SCNN1G: variants seen among roughly 807,000 people sequenced by gnomAD.
SCNN1G encodes the protein epithelial sodium channel subunit gamma.
SCNN1G carries 27 observed loss-of-function variants against 64.6 expected under a neutral mutation model. The ratio of observed to expected loss-of-function variants is 0.42; its 90% CI spans 0.31 to 0.58. The LOEUF (loss-of-function observed/expected upper bound fraction) is 0.58, where lower values mean the gene tolerates loss of function less well. SCNN1G is among the 20% of genes least tolerant of loss of function. The probability of loss-of-function intolerance (pLI) is 0.18; values close to 1 mark genes in which losing one functional copy is unlikely to be tolerated. For missense variants in SCNN1G, 743 were observed against 823.4 expected (o/e 0.90, Z 1.19); for synonymous variants, 330 against 314.2 (o/e 1.05, Z -0.53).
intron 6 of SCNN1G, among the ~76,000 whole-genome samples, chr16:23,199,369 A>G (rs1043962336): frequency 6.6e-6 from 1 of 152,162 alleles, no homozygotes; most frequent in Non-Finnish European, 1.5e-5. Context: ...CCCCCCATTG[A>G]TAGACATTAG....
rs769497471 is a variant in SCNN1G, at chr16:23,212,777, G to A, written c.1373+21G>A. On this transcript the variant is annotated intron_variant, in intron 9 of 12. Transcript: ENST00000300061. Reference sequence around the variant, plus strand: ...TGCAGGTATGTGGACCCCAAGGGGTGAGACGGGTGGCTGGGTTGGGTTGGG... The same window carrying A: ...TGCAGGTATGTGGACCCCAAGGGGTAAGACGGGTGGCTGGGTTGGGTTGGG... 2.5e-6 allele frequency: 4 copies of A among 1,613,782 alleles called. No individual in the cohort carries two copies. The Admixed American group carries it at 6.7e-5, about 27-fold the overall frequency.
At chr16:23,210,477 G>T (rs1960062516) in intron 7 of SCNN1G, among the ~76,000 whole-genome samples, 1 of 152,120 alleles carries the variant, frequency 6.6e-6, no homozygotes, top group Non-Finnish European at 1.5e-5. Flanking sequence ...GTGTTCTCTG[G>T]CTCCCACAGT....
intron 2 of SCNN1G, 45 bp downstream of exon 2, chr16:23,186,633 C>G (rs774437872): frequency 6.5e-7 from 1 of 1,533,054 alleles, no homozygotes; most frequent in Non-Finnish European, 9.0e-7. Flanking sequence ...GCCAGGCCCC[C>G]CACAGAGGCC....
chr16:23,195,605 G>T (rs1959782822), intron 5 of SCNN1G, among the ~76,000 whole-genome samples: 1 of 152,222 alleles, frequency 6.6e-6, no homozygotes, highest in African/African-American at 2.4e-5. Context: ...ATTTCATGGG[G>T]AAGAAGTAAT....
At position 23,216,279 on chromosome 16, in the gene SCNN1G, G is replaced by C. The variant is rs958201105; in HGVS notation, c.*810G>C. The C allele has an allele frequency of 3.9e-5, 6 of 152,452 alleles. No homozygotes were observed. In the South Asian group the frequency reaches 8.3e-4, roughly 21 times the overall value. The allele number at this position is 152,452 out of a possible 1,614,324, so 9.4% of individuals were successfully genotyped here. ...GACTTCATGATTTTGCATCCAATTC[G>C]TGTCTGTGCCTTTTAAAGGGTGAGG... On this transcript the variant is annotated 3_prime_UTR_variant, in exon 13 of 13. Coordinates refer to ENST00000300061, the MANE Select transcript of SCNN1G (RefSeq NM_001039.4).
intron 11 of SCNN1G, among the ~76,000 whole-genome samples, chr16:23,213,426 A>G (rs1422360929): frequency 6.6e-6 from 1 of 151,786 alleles, no homozygotes; most frequent in Non-Finnish European, 1.5e-5. Flanking sequence ...CTAATTTTAT[A>G]TTTTTAGCAG....
chr16:23,202,359 A>G (rs1596771067), intron 6 of SCNN1G, among the ~76,000 whole-genome samples: 1 of 151,174 alleles, frequency 6.6e-6, no homozygotes, highest in Admixed American at 6.6e-5. Flanking sequence ...TGGCTGGCTG[A>G]ATGGATAGAT....
intron 6 of SCNN1G, among the ~76,000 whole-genome samples, chr16:23,208,881 C>A (rs145394090): frequency 1.3e-5 from 2 of 151,898 alleles, no homozygotes; most frequent in Non-Finnish European, 2.9e-5. Context: ...GGATTACATG[C>A]ATGAGCCACT....
At position 23,215,149 on chromosome 16, in the gene SCNN1G, G is replaced by C. The variant is rs757351078; in HGVS notation, c.1630G>C (p.Val544Leu). Reference protein sequence around the residue: ...QLGLWMSCSVVCVIEIIEVFF... With the variant: ...QLGLWMSCSVLCVIEIIEVFF... ...GGGCCTGTGGATGAGCTGCTCTGTTGTCTGCGTCATCGAGATCATCGAGGT... is the reference window on the plus strand; with the variant it reads ...GGGCCTGTGGATGAGCTGCTCTGTTCTCTGCGTCATCGAGATCATCGAGGT... Residue 544 changes from valine (V) to leucine (L), a missense_variant, in exon 13 of 13, where the codon GTC (valine) becomes CTC (leucine). Physicochemically the swap from Val to Leu is conservative, Grantham distance 32. Coordinates refer to ENST00000300061, the MANE Select transcript of SCNN1G (RefSeq NM_001039.4). The C allele has an allele frequency of 1.2e-6, 2 of 1,614,154 alleles. No homozygotes were observed. The highest frequency in any genetic ancestry group is 2.2e-5 in the South Asian group (2 of 91,076).
At chr16:23,211,685 A>C (rs527980202) in intron 7 of SCNN1G, among the ~76,000 whole-genome samples, 181 of 152,184 alleles carry the variant, frequency 1.2e-3, no homozygotes, top group Non-Finnish European at 2.2e-3. Flanking sequence ...GGTGGTGTGC[A>C]TCTGTAATCG....
At chr16:23,198,047 T>C (rs1342860888) in intron 6 of SCNN1G, among the ~76,000 whole-genome samples, 1 of 152,212 alleles carries the variant, frequency 6.6e-6, no homozygotes, top group South Asian at 2.1e-4. Flanking sequence ...TCTATCTTTC[T>C]GGGCTGCTTA....
intron 6 of SCNN1G, among the ~76,000 whole-genome samples, chr16:23,201,652 G>T (rs1003807225): frequency 6.6e-6 from 1 of 152,148 alleles, no homozygotes; most frequent in Admixed American, 6.5e-5. Context: ...ATTAATAGGT[G>T]TGTGAAGCTG....
chr16:23,202,144 A>C (rs1236443708), intron 6 of SCNN1G, among the ~76,000 whole-genome samples: 1 of 152,046 alleles, frequency 6.6e-6, no homozygotes, highest in Non-Finnish European at 1.5e-5. Flanking sequence ...CAACTTTGCA[A>C]TACAGTTTCC....
At chr16:23,211,820 A>C (rs1960083357) in intron 7 of SCNN1G, among the ~76,000 whole-genome samples, 1 of 152,154 alleles carries the variant, frequency 6.6e-6, no homozygotes, top group South Asian at 2.1e-4. Context: ...AAAAAACATA[A>C]AAAATAAAAA....
At chr16:23,189,347 G>T in intron 2 of SCNN1G, 24 bp from the exon 3 acceptor site, 1 of 1,611,368 alleles carries the variant, frequency 6.2e-7, no homozygotes, top group South Asian at 1.1e-5. Flanking sequence ...CCCTCTCCCT[G>T]ACTTTTCCTC....
intron 6 of SCNN1G, among the ~76,000 whole-genome samples, chr16:23,208,466 T>C (rs1960026587): frequency 6.6e-6 from 1 of 152,140 alleles, no homozygotes; most frequent in Non-Finnish European, 1.5e-5. Context: ...CCTTAGCTTT[T>C]TTCTAAGAAA....
chr16:23,201,263 T>G (rs1001596195), intron 6 of SCNN1G, among the ~76,000 whole-genome samples: 1 of 152,188 alleles, frequency 6.6e-6, no homozygotes, highest in Non-Finnish European at 1.5e-5. Flanking sequence ...TCCCTTATCC[T>G]TTCGCCCTCT....
intron 6 of SCNN1G, among the ~76,000 whole-genome samples, chr16:23,203,227 G>C (rs1959921022): frequency 6.6e-6 from 1 of 152,166 alleles, no homozygotes; most frequent in Non-Finnish European, 1.5e-5. Context: ...CAGCCAAGAG[G>C]TCACCAGTGT....
chr16:23,208,059 C>T (rs1032764535), intron 6 of SCNN1G, among the ~76,000 whole-genome samples: 2 of 152,226 alleles, frequency 1.3e-5, no homozygotes, highest in Admixed American at 6.5e-5. Flanking sequence ...CACTATTTAT[C>T]TTCCATTGAG....
Sources: allele counts gnomAD v4.1 joint callset (sites outside exome capture counted in the v4.1 genomes callset), GRCh38; gene constraint gnomAD v4.1.1; transcripts MANE v1.5; gene names NCBI Gene and HGNC (gene_info 2026-07-23, HGNC 2026-07-21).